Variants in KYAT1 observed in about 807,000 individuals in gnomAD.
KYAT1 encodes the protein kynurenine aminotransferase 1, also known as kynurenine--oxoglutarate transaminase 1.
KYAT1 carries 47 observed loss-of-function variants against 52.4 expected under a neutral mutation model. The ratio of observed to expected loss-of-function variants is 0.90; its 90% confidence interval spans 0.71 to 1.14. The LOEUF (loss-of-function observed/expected upper bound fraction) is 1.14. Among genes scored for constraint, KYAT1 ranks in the 50% most tolerant of loss-of-function variants. The pLI, the probability that KYAT1 is intolerant of heterozygous loss-of-function variation, is 0.00. For synonymous variants in KYAT1, 212 were observed against 209.6 expected (o/e 1.01, Z -0.10); for missense variants, 480 against 557.9 (o/e 0.86, Z 1.41).
At chr9:128,871,033 C>T (rs1231910357) in intron 1 of KYAT1, among the ~76,000 whole-genome samples, 1 of 151,168 alleles carries the variant, frequency 6.6e-6, no homozygotes, top group Non-Finnish European at 1.5e-5. Flanking sequence ...ATTGTAGAGA[C>T]AGGCTGGCCG....
intron 11 of KYAT1, 53 bp from the exon 12 acceptor site, chr9:128,833,879 T>C: frequency 1.3e-6 from 2 of 1,496,256 alleles, no homozygotes; most frequent in South Asian, 1.1e-5. Context: ...CAGCAGGCCT[T>C]GGCTCCGGAG....
intron 1 of KYAT1, among the ~76,000 whole-genome samples, chr9:128,845,745 G>A (rs1480036337): frequency 6.6e-6 from 1 of 152,234 alleles, no homozygotes; most frequent in African/African-American, 2.4e-5. Context: ...TCTGACTCAG[G>A]AAGGGCTGAG....
At chr9:128,873,945 CAAA>C (rs55713807) in intron 1 of KYAT1, among the ~76,000 whole-genome samples, 36 of 105,828 alleles carry the variant, frequency 3.4e-4, no homozygotes, top group Middle Eastern at 4.6e-3. Context: ...ATCTCCGTCT[CAAA>C]AAAAAAAAAA....
intron 3 of KYAT1, among the ~76,000 whole-genome samples, chr9:128,841,428 AGGAGGCGGAGGC>A (rs376433877): frequency 4.1e-4 from 62 of 151,828 alleles, no homozygotes; most frequent in South Asian, 1.0e-3. Flanking sequence ...GCTTGAACCC[AGGAGGCGGAGGC>A]GGAGGCGGAG....
chr9:128,872,317 A>C (rs1014998418), intron 1 of KYAT1, among the ~76,000 whole-genome samples: 3 of 147,318 alleles, frequency 2.0e-5, no homozygotes, highest in African/African-American at 5.0e-5. Context: ...GGTGGCGTGC[A>C]CCTGTAGTCC....
intron 4 of KYAT1, 37 bp downstream of exon 4, chr9:128,838,181 C>G: frequency 6.2e-7 from 1 of 1,614,150 alleles, no homozygotes; most frequent in Non-Finnish European, 8.5e-7. Flanking sequence ...TGGCCCTGAC[C>G]TCTCAGTCCC....
intron 11 of KYAT1, 26 bp downstream of exon 11, chr9:128,835,297 G>T (rs1413290971): frequency 6.3e-7 from 1 of 1,596,624 alleles, no homozygotes; most frequent in Non-Finnish European, 8.6e-7. Flanking sequence ...AACCATACAT[G>T]GCTGCCTGGC....
chr9:128,853,377 C>G (rs1332804900), intron 1 of KYAT1, among the ~76,000 whole-genome samples: 1 of 152,110 alleles, frequency 6.6e-6, no homozygotes, highest in Non-Finnish European at 1.5e-5. Flanking sequence ...TTAAACTGGG[C>G]CAAAAGAACA....
rs766180745 is a variant in KYAT1 at position 128,835,321 on chromosome 9, A to AC, written c.1122+1dup. 5.6e-6 allele frequency: 9 copies of AC among 1,613,212 alleles called. No homozygotes were observed. The highest frequency in any genetic ancestry group is 5.3e-5 in the African/African-American group (4 of 74,884). On this transcript the variant is annotated splice_donor_variant, in intron 11 of 12. Coordinates refer to ENST00000302586, the MANE Select transcript of KYAT1 (RefSeq NM_004059.5). LOFTEE classifies it high-confidence loss of function. ...TGGCTGCCTGGCAGAGGCCCAGCCC[A>AC]CCTTGTTCTTGATCATCCACTTGAC...
chr9:128,853,105 T>C (rs1163300723), intron 1 of KYAT1, among the ~76,000 whole-genome samples: 3 of 152,224 alleles, frequency 2.0e-5, no homozygotes, highest in African/African-American at 7.2e-5. Context: ...AGACTACATA[T>C]AGTAAAATTG....
intron 2 of KYAT1, among the ~76,000 whole-genome samples, chr9:128,843,676 C>G (rs1254760356): frequency 1.3e-5 from 2 of 152,200 alleles, no homozygotes; most frequent in Non-Finnish European, 2.9e-5. Context: ...GCCACCACTA[C>G]CGGCCAAGAA....
chr9:128,874,872 G>C (rs147177988), intron 1 of KYAT1, among the ~76,000 whole-genome samples: 1 of 151,682 alleles, frequency 6.6e-6, no homozygotes, highest in Non-Finnish European at 1.5e-5. Flanking sequence ...TTACAGGCAC[G>C]CACCACCATG....
chr9:128,833,576 C>T lies in KYAT1; in HGVS notation c.*8G>A, dbSNP rs1330521974. 1 of 1,614,124 alleles carries T rather than the reference C, an allele frequency of 6.2e-7. No individual in the cohort carries two copies. The highest frequency in any genetic ancestry group is 2.2e-5 in the East Asian group (1 of 44,890). ...TGGGGATGTCAGGGCCAAGGCGTGACTTCAGGGCTAGAGTTCCACCTTCCA... is the reference window on the plus strand; with the variant it reads ...TGGGGATGTCAGGGCCAAGGCGTGATTTCAGGGCTAGAGTTCCACCTTCCA... On this transcript the variant is annotated 3_prime_UTR_variant, in exon 13 of 13. Transcript: ENST00000302586.
chr9:128,868,056 A>C (rs957394784), intron 1 of KYAT1, among the ~76,000 whole-genome samples: 1 of 150,844 alleles, frequency 6.6e-6, no homozygotes, highest in African/African-American at 2.5e-5. Flanking sequence ...TACAGGCGTG[A>C]GCCACTGCGC....
Position 128,845,375 on chromosome 9 carries a change from C to T in KYAT1, c.31G>A (p.Asp11Asn). The T allele has an allele frequency of 3.1e-6, 5 of 1,613,966 alleles. No individual in the cohort carries two copies. Among genetic ancestry groups the T allele is most frequent in the Middle Eastern group, 1.6e-4 (1 of 6,062 alleles). MAKQLQARRL[D>N]GIDYNPWVEF... The stretch of plus-strand genomic sequence containing the variant: ...CACCAGGGGTTGTAGTCGATCCCGT[C>T]TAGCCTTCGGGCCTGCAGCTGTTTG... Residue 11 changes from aspartate to asparagine, a missense_variant, in exon 2 of 13, where the codon GAC becomes AAC. Physicochemically the swap from Asp to Asn is conservative, Grantham distance 23. Coordinates refer to ENST00000302586, the MANE Select transcript of KYAT1 (RefSeq NM_004059.5).
intron 1 of KYAT1, among the ~76,000 whole-genome samples, chr9:128,872,493 C>T (rs988276875): frequency 2.6e-5 from 4 of 151,064 alleles, no homozygotes; most frequent in South Asian, 2.1e-4. Context: ...TGAGGCCAGG[C>T]GCAGTGGCTC....
intron 8 of KYAT1, 29 bp downstream of exon 8, chr9:128,835,968 G>A: frequency 3.7e-6 from 6 of 1,603,118 alleles, no homozygotes; most frequent in Non-Finnish European, 5.1e-6. Context: ...CTTGCAGGGG[G>A]TGGTGACCTC....
chr9:128,844,253 T>C (rs1307045755), intron 2 of KYAT1, among the ~76,000 whole-genome samples: 1 of 152,134 alleles, frequency 6.6e-6, no homozygotes, highest in Non-Finnish European at 1.5e-5. Flanking sequence ...CTAAAATGTG[T>C]CATTTTTGGC....
In KYAT1 at chr9:128,836,001, C is replaced by T; in HGVS notation, c.761G>A (p.Trp254Ter). The T allele has an allele frequency of 6.2e-7, 1 of 1,612,752 alleles. No individual in the cohort carries two copies. Among genetic ancestry groups the T allele is most frequent in the South Asian group, 1.1e-5 (1 of 91,040 alleles). The change falls in exon 8 of 13, where the codon TGG (tryptophan) becomes TAG (stop). Residue 254 changes from tryptophan (W) to a stop codon, truncating the protein, a stop_gained. Coordinates refer to ENST00000302586, the MANE Select transcript of KYAT1 (RefSeq NM_004059.5). LOFTEE classifies it high-confidence loss of function. ...CTCCCACCCTCAGCAACTCACCTTC[C>T]AGCCAGTGGCGCTGAAGGTCTTGCC... ...SAGKTFSATG[W>*]KVGWVLGPDH...
Sources: allele counts gnomAD v4.1 joint callset (sites outside exome capture counted in the v4.1 genomes callset), GRCh38; gene constraint gnomAD v4.1.1; transcripts MANE v1.5; gene names NCBI Gene and HGNC (gene_info 2026-07-23, HGNC 2026-07-21).